Variants in PALM2AKAP2 observed in about 807,000 individuals in gnomAD.
The protein encoded by PALM2AKAP2 is PALM2-AKAP2 fusion protein.
In PALM2AKAP2, 37 loss-of-function variants were observed where a neutral mutation model predicts 71.5. The ratio of observed to expected loss-of-function variants is 0.52; its 90% CI spans 0.40 to 0.68. The LOEUF (loss-of-function observed/expected upper bound fraction) is 0.68, where lower values mean the gene tolerates loss of function less well. Ranked by LOEUF, PALM2AKAP2 falls within the 30% of genes least tolerant of loss-of-function variation. The pLI is 0.00. For synonymous variants in PALM2AKAP2, 468 were observed against 478.8 expected (o/e 0.98, Z 0.29); for missense variants, 1,224 against 1,191.8 (o/e 1.03, Z -0.40).
intron 6 of PALM2AKAP2, among the ~76,000 whole-genome samples, chr9:109,983,724 G>A (rs985260646): frequency 1.3e-5 from 2 of 151,982 alleles, no homozygotes; most frequent in African/African-American, 2.4e-5. Context: ...AATTAGCCAG[G>A]CATGATGGCA....
At position 109,867,192 on chromosome 9, in the gene PALM2AKAP2, GTGTGTGTGTGTGTC is replaced by G. The variant is rs1450521538; in HGVS notation, c.46-285_46-272del. ...TGTGTGTGTGTGTGTGTGTGTGTGT[GTGTGTGTGTGTGTC>G]TGTGTGTGTGTGTAGAAACCGTCTT... On this transcript the variant is annotated intron_variant, in intron 1 of 9. Coordinates refer to the PALM2AKAP2 transcript ENST00000302798. 4.9e-4 allele frequency: 216 copies of G among 436,980 alleles called. 1 individual carries two copies. The highest frequency in any genetic ancestry group is 4.1e-3 in the African/African-American group (202 of 49,160). The allele number at this position is 436,980 out of a possible 1,614,324, so 27.1% of individuals were successfully genotyped here.
At chr9:109,884,392 G>A (rs900007952) in intron 3 of PALM2AKAP2, among the ~76,000 whole-genome samples, 16 of 152,194 alleles carry the variant, frequency 1.1e-4, no homozygotes, top group African/African-American at 3.4e-4. Context: ...AACCCGGGAA[G>A]CGGAGGTTGC....
chr9:110,165,817 A>C (rs938030333), intron 3 of PALM2AKAP2, among the ~76,000 whole-genome samples: 1 of 152,248 alleles, frequency 6.6e-6, no homozygotes, highest in Admixed American at 6.5e-5. Flanking sequence ...GTAGGAAACT[A>C]ATAAATATGT....
chr9:109,838,371 T>C (rs887866429), intron 1 of PALM2AKAP2, among the ~76,000 whole-genome samples: 3 of 152,122 alleles, frequency 2.0e-5, no homozygotes, highest in African/African-American at 4.8e-5. Flanking sequence ...GGGACATATT[T>C]AAAGCAGTGT....
chr9:110,096,446 T>TATTTATTTATTA (rs551422085), intron 1 of PALM2AKAP2, among the ~76,000 whole-genome samples: 3 of 151,962 alleles, frequency 2.0e-5, no homozygotes, highest in African/African-American at 7.3e-5. Context: ...TTTATTTATT[T>TATTTATTTATTA]ATTAAGATGG....
intron 1 of PALM2AKAP2, among the ~76,000 whole-genome samples, chr9:109,767,364 T>C (rs1429104474): frequency 6.6e-6 from 1 of 152,144 alleles, no homozygotes; most frequent in East Asian, 1.9e-4. Flanking sequence ...CTTTTGCCAT[T>C]GGAGATGATG....
chr9:109,738,710 G>A (rs1828674593), intron 1 of PALM2AKAP2, among the ~76,000 whole-genome samples: 1 of 152,158 alleles, frequency 6.6e-6, no homozygotes, highest in Non-Finnish European at 1.5e-5. Flanking sequence ...AAAGAGTTGA[G>A]AATCCTCAGA....
intron 1 of PALM2AKAP2, among the ~76,000 whole-genome samples, chr9:110,065,731 T>G (rs935331125): frequency 5.3e-5 from 8 of 152,212 alleles, no homozygotes; most frequent in African/African-American, 1.9e-4. Context: ...TCCCCAGCTC[T>G]TGGCAACCAC....
chr9:109,756,897 GA>G (rs1828972178), intron 1 of PALM2AKAP2, among the ~76,000 whole-genome samples: 1 of 152,042 alleles, frequency 6.6e-6, no homozygotes, highest in Non-Finnish European at 1.5e-5. Flanking sequence ...TACATGTATA[GA>G]AAACCTAATG....
At chr9:110,121,258 C>A (rs1835480360) in intron 1 of PALM2AKAP2, among the ~76,000 whole-genome samples, 1 of 152,316 alleles carries the variant, frequency 6.6e-6, no homozygotes, top group African/African-American at 2.4e-5. Flanking sequence ...ATCTGATTCA[C>A]ATGTAAGGGC....
intron 6 of PALM2AKAP2, among the ~76,000 whole-genome samples, chr9:109,977,571 C>T (rs1483641030): frequency 6.6e-6 from 1 of 152,170 alleles, no homozygotes; most frequent in African/African-American, 2.4e-5. Context: ...GGCCAAATTA[C>T]ACCAAAAAGT....
exon 4 of PALM2AKAP2, chr9:110,171,659 G>A (rs962805476): frequency 6.6e-6 from 1 of 152,296 alleles, no homozygotes; most frequent in Non-Finnish European, 1.5e-5. Flanking sequence ...CTGGAGGAAA[G>A]TCATTCCTGC....
At chr9:109,776,086 A>G (rs1226665621), upstream of PALM2AKAP2, among the ~76,000 whole-genome samples, 1 of 152,250 alleles carries the variant, frequency 6.6e-6, no homozygotes, top group Non-Finnish European at 1.5e-5. Flanking sequence ...AATAGTCACC[A>G]ATATCATTGT....
At chr9:109,829,218 T>C (rs968776998) in intron 1 of PALM2AKAP2, among the ~76,000 whole-genome samples, 1 of 152,238 alleles carries the variant, frequency 6.6e-6, no homozygotes, top group African/African-American at 2.4e-5. Context: ...CTCACTTCTC[T>C]ATGGGTCAGC....
chr9:109,692,580 A>G (rs938223506), intron 1 of PALM2AKAP2, among the ~76,000 whole-genome samples: 1 of 151,938 alleles, frequency 6.6e-6, no homozygotes, highest in Admixed American at 6.6e-5. Context: ...GGTTTTTTAT[A>G]CATGCCCTTT....
chr9:109,777,126 C>G (rs10115708), upstream of PALM2AKAP2, among the ~76,000 whole-genome samples: 2 of 152,006 alleles, frequency 1.3e-5, no homozygotes, highest in Non-Finnish European at 2.9e-5. Context: ...CCCAACCCTA[C>G]GCCATCAGTC....
chr9:110,168,461 G>C (rs1382475206), exon 4 of PALM2AKAP2: 1 of 1,614,076 alleles, frequency 6.2e-7, no homozygotes, highest in East Asian at 2.2e-5. Flanking sequence ...GGGAAGCAGG[G>C]ATCTATGCCA....
intron 1 of PALM2AKAP2, among the ~76,000 whole-genome samples, chr9:109,820,153 A>G (rs981962410): frequency 1.2e-4 from 18 of 152,228 alleles, no homozygotes; most frequent in African/African-American, 3.6e-4. Context: ...TTGGATTCAT[A>G]TATTACTTAT....
At chr9:110,064,715 C>T (rs1359572289) in intron 1 of PALM2AKAP2, among the ~76,000 whole-genome samples, 1 of 152,198 alleles carries the variant, frequency 6.6e-6, no homozygotes, top group Admixed American at 6.5e-5. Context: ...TGTCACACTT[C>T]TCAGTATTGT....
Sources: allele counts gnomAD v4.1 joint callset (sites outside exome capture counted in the v4.1 genomes callset), GRCh38; gene constraint gnomAD v4.1.1; transcripts MANE v1.5; gene names NCBI Gene and HGNC (gene_info 2026-07-23, HGNC 2026-07-21).